Variants in CNTNAP2 observed in about 807,000 individuals in gnomAD.
CNTNAP2 encodes the protein contactin associated protein 2, also known as contactin-associated protein-like 2.
CNTNAP2 carries 98 observed loss-of-function variants against 155.2 expected under a neutral mutation model. That is an observed-to-expected ratio of 0.63 (90% CI 0.54 to 0.75). The LOEUF is 0.75. CNTNAP2 is among the 30% of genes least tolerant of loss of function. The probability of loss-of-function intolerance (pLI) is 0.00; values close to 1 mark genes in which losing one functional copy is unlikely to be tolerated. For synonymous variants in CNTNAP2, 651 were observed against 631.2 expected, an observed-to-expected ratio of 1.03 and a Z score of -0.47; for missense variants, 1,727 against 1,688.1, an observed-to-expected ratio of 1.02 and a Z score of -0.40.
intron 10 of CNTNAP2, among the ~76,000 whole-genome samples, chr7:147,442,538 A>C (rs147361629): frequency 6.6e-6 from 1 of 152,176 alleles, no homozygotes; most frequent in African/African-American, 2.4e-5. Flanking sequence ...GCAAGATGAA[A>C]TCCCCTTTGC....
At chr7:146,314,434 T>G (rs1800876302) in intron 1 of CNTNAP2, among the ~76,000 whole-genome samples, 1 of 152,152 alleles carries the variant, frequency 6.6e-6, no homozygotes, top group Non-Finnish European at 1.5e-5. Context: ...TCTGTCTCTC[T>G]TTTCAGAGAA....
At chr7:148,133,737 A>C (rs1262724422) in intron 16 of CNTNAP2, 1 of 152,310 alleles carries the variant, frequency 6.6e-6, no homozygotes, top group Non-Finnish European at 1.5e-5. Flanking sequence ...GAAGGCAGTT[A>C]CTGGCTGGGT....
At chr7:147,579,682 C>A (rs1177126967) in intron 12 of CNTNAP2, among the ~76,000 whole-genome samples, 1 of 152,082 alleles carries the variant, frequency 6.6e-6, no homozygotes, top group Admixed American at 6.6e-5. Context: ...TTAATGGACT[C>A]CCTTTTTAAA....
chr7:146,745,862 G>A (rs1351299827), intron 1 of CNTNAP2, among the ~76,000 whole-genome samples: 6 of 152,016 alleles, frequency 3.9e-5, no homozygotes, highest in Admixed American at 3.9e-4. Context: ...CATATGTGCA[G>A]TCTATGCCTT....
At chr7:146,909,099 C>T (rs1319353106) in intron 3 of CNTNAP2, among the ~76,000 whole-genome samples, 1 of 152,042 alleles carries the variant, frequency 6.6e-6, no homozygotes, top group Non-Finnish European at 1.5e-5. Flanking sequence ...CAAGACTAAA[C>T]CAGGAAGAAG....
chr7:148,068,424 T>C (rs1002639954), intron 15 of CNTNAP2, among the ~76,000 whole-genome samples: 2 of 152,198 alleles, frequency 1.3e-5, no homozygotes, highest in African/African-American at 4.8e-5. Context: ...TAAGGTTAAA[T>C]TCTTCTCCTG....
intron 1 of CNTNAP2, among the ~76,000 whole-genome samples, chr7:146,500,230 A>G (rs1014772842): frequency 1.3e-5 from 2 of 152,214 alleles, no homozygotes; most frequent in African/African-American, 4.8e-5. Flanking sequence ...TGTTACCAAC[A>G]CAGGGGTTCG....
chr7:146,981,532 C>T (rs1798017696), intron 3 of CNTNAP2, among the ~76,000 whole-genome samples: 1 of 152,128 alleles, frequency 6.6e-6, no homozygotes. Context: ...CCATTAAAAA[C>T]CTAGTATGGA....
At chr7:147,068,275 A>C (rs933590541) in intron 4 of CNTNAP2, among the ~76,000 whole-genome samples, 1 of 152,224 alleles carries the variant, frequency 6.6e-6, no homozygotes, top group Admixed American at 6.5e-5. Flanking sequence ...GGGTTGGCCA[A>C]TCAAACATTA....
At chr7:146,566,780 G>C (rs1013363279) in intron 1 of CNTNAP2, among the ~76,000 whole-genome samples, 1 of 152,006 alleles carries the variant, frequency 6.6e-6, no homozygotes, top group African/African-American at 2.4e-5. Flanking sequence ...AAGTAACCTA[G>C]TTGGATTATA....
intron 11 of CNTNAP2, among the ~76,000 whole-genome samples, chr7:147,492,772 G>T (rs1225807726): frequency 1.3e-5 from 2 of 152,180 alleles, no homozygotes; most frequent in Non-Finnish European, 2.9e-5. Flanking sequence ...AGAAGGTGAA[G>T]TCAGCTTTTC....
intron 16 of CNTNAP2, among the ~76,000 whole-genome samples, chr7:148,124,184 G>A (rs1050800704): frequency 6.6e-6 from 1 of 152,220 alleles, no homozygotes; most frequent in African/African-American, 2.4e-5. Flanking sequence ...AGGGGTGAGA[G>A]GAAGAGGCGG....
intron 21 of CNTNAP2, among the ~76,000 whole-genome samples, chr7:148,297,551 A>G (rs1429322941): frequency 6.6e-6 from 1 of 152,216 alleles, no homozygotes; most frequent in African/African-American, 2.4e-5. Flanking sequence ...AGAGGGTGCT[A>G]GAAAGTGCTA....
At chr7:146,211,820 G>A (rs945225646) in intron 1 of CNTNAP2, among the ~76,000 whole-genome samples, 2 of 151,868 alleles carry the variant, frequency 1.3e-5, no homozygotes, top group African/African-American at 4.8e-5. Flanking sequence ...TAAAATTACA[G>A]TAATGCTATT....
At chr7:148,180,936 C>A (rs1795027572) in intron 18 of CNTNAP2, among the ~76,000 whole-genome samples, 1 of 152,150 alleles carries the variant, frequency 6.6e-6, no homozygotes, top group Non-Finnish European at 1.5e-5. Context: ...TGTGGGAAGG[C>A]ATTATCCTGT....
intron 1 of CNTNAP2, among the ~76,000 whole-genome samples, chr7:146,681,319 A>G (rs187305330): frequency 6.8e-6 from 1 of 147,704 alleles, no homozygotes; most frequent in Admixed American, 6.8e-5. Context: ...AAAATTGGTG[A>G]TATTCAGATT....
chr7:147,820,165 C>T (rs77156846), intron 13 of CNTNAP2, among the ~76,000 whole-genome samples: 4,946 of 152,038 alleles, frequency 0.033, 133 homozygotes, highest in Non-Finnish European at 0.052. Context: ...TTGGTGCAGC[C>T]GTCAGAGTTT....
chr7:148,087,294 A>G (rs1172182211), intron 15 of CNTNAP2, among the ~76,000 whole-genome samples: 2 of 152,182 alleles, frequency 1.3e-5, no homozygotes, highest in African/African-American at 4.8e-5. Flanking sequence ...TGTCTATTGT[A>G]CTACCCACTA....
chr7:147,776,854 T>A (rs138387435), intron 13 of CNTNAP2, among the ~76,000 whole-genome samples: 1 of 151,968 alleles, frequency 6.6e-6, no homozygotes, highest in Non-Finnish European at 1.5e-5. Flanking sequence ...TCCTTCCTAA[T>A]GATGTTTTAT....
Sources: gnomAD v4.1 joint callset for allele counts (sites outside exome capture counted in the v4.1 genomes callset) on GRCh38, gnomAD v4.1.1 for gene constraint, MANE v1.5 for transcripts, NCBI Gene and HGNC (gene_info 2026-07-23, HGNC 2026-07-21) for gene names.